Variants in CD1B observed in about 807,000 individuals in gnomAD.
CD1B encodes the protein T-cell surface glycoprotein CD1b.
A neutral mutation model predicts 39.8 loss-of-function variants in CD1B; 43 were observed. That is an observed-to-expected ratio of 1.08 (90% CI 0.85 to 1.39). The LOEUF (loss-of-function observed/expected upper bound fraction) is 1.39. CD1B is among the 40% of genes most tolerant of loss of function. CD1B has a pLI of 0.00. For missense variants in CD1B, 495 were observed against 403.8 expected, an observed-to-expected ratio of 1.23 and a Z score of -1.94; for synonymous variants, 192 against 152.5, an observed-to-expected ratio of 1.26 and a Z score of -1.91.
At chr1:158,294,678 G>A in the CD1B span, among the ~76,000 whole-genome samples, 1 of 152,042 alleles carries the variant, frequency 6.6e-6, no homozygotes, top group African/African-American at 2.4e-5. Context: ...CAACAACCTG[G>A]CATTCTTGCA....
At chr1:158,299,934 C>G in the CD1B span, among the ~76,000 whole-genome samples, 1 of 152,112 alleles carries the variant, frequency 6.6e-6, no homozygotes, top group Non-Finnish European at 1.5e-5. Flanking sequence ...TTTCAAAAAG[C>G]CAGGTCCTGG....
chr1:158,293,706 G>C, the CD1B span: 3 of 1,002,760 alleles, frequency 3.0e-6, no homozygotes, highest in Admixed American at 6.4e-5. Flanking sequence ...TTCCTCCAAC[G>C]ATCTTCCTTG....
In CD1B at chr1:158,328,590, A is replaced by G. The variant is rs1652452060; in HGVS notation, c.980+331T>C. On this transcript the variant is annotated intron_variant, in intron 5 of 5. Coordinates refer to ENST00000368168, the MANE Select transcript of CD1B (RefSeq NM_001764.3). ...GAGCTGTCCTAACCAGGGCCTGGAG[A>G]AGAGGGGAAATGGGAACTTGCAGCG... 2.0e-5 allele frequency among the ~76,000 whole-genome samples: 3 copies of G among 152,172 alleles called. No homozygotes were observed. In the South Asian group the frequency reaches 6.2e-4, roughly 32 times the overall value.
At chr1:158,290,576 C>A in the CD1B span, among the ~76,000 whole-genome samples, 3 of 151,992 alleles carry the variant, frequency 2.0e-5, no homozygotes, top group Non-Finnish European at 4.4e-5. Context: ...TAGTTCAGAG[C>A]AGATGGGGAA....
chr1:158,298,079 G>T, the CD1B span, among the ~76,000 whole-genome samples: 1 of 152,010 alleles, frequency 6.6e-6, no homozygotes, highest in Non-Finnish European at 1.5e-5. Flanking sequence ...AAAGAAAAAA[G>T]AGCAGGGGTT....
downstream of CD1B, among the ~76,000 whole-genome samples, chr1:158,325,461 G>T (rs140988417): frequency 2.0e-5 from 3 of 152,114 alleles, no homozygotes; most frequent in African/African-American, 7.2e-5. Context: ...ATAAATAGAT[G>T]CAGCTGTAAA....
At chr1:158,305,483 T>C in the CD1B span, among the ~76,000 whole-genome samples, 1 of 152,168 alleles carries the variant, frequency 6.6e-6, no homozygotes, top group African/African-American at 2.4e-5. Flanking sequence ...ACAGGGAGAA[T>C]GGAACCAAGT....
chr1:158,316,890 G>T, the CD1B span, among the ~76,000 whole-genome samples: 16 of 152,052 alleles, frequency 1.1e-4, no homozygotes, highest in Admixed American at 1.0e-3. Context: ...TTTGTCAAAG[G>T]TCTTTTCTGC....
chr1:158,317,645 T>G, the CD1B span, among the ~76,000 whole-genome samples: 1 of 152,196 alleles, frequency 6.6e-6, no homozygotes, highest in East Asian at 1.9e-4. Flanking sequence ...TTGAAGGGTT[T>G]TTGTGTCTCT....
rs142807777 is a variant in CD1B at position 158,329,898 on chromosome 1, A to G, written c.561T>C (p.Tyr187=). 4 of 1,614,104 alleles carry G rather than the reference A, an allele frequency of 2.5e-6. No homozygotes were observed. The highest frequency in any genetic ancestry group is 3.3e-5 in the Admixed American group (2 of 60,014). The change falls in exon 3 of 6, where the codon TAT becomes TAC. Residue 187 remains tyrosine, a synonymous_variant. Coordinates refer to ENST00000368168, the MANE Select transcript of CD1B (RefSeq NM_001764.3). ...RILLYETCPR[Y]LLGVLNAGKA... ...TTCCTGCATTGAGGACGCCCAAGAG[A>G]TATCGGGGGCAGGTTTCATAGAGGA...
At chr1:158,310,531 C>T in the CD1B span, among the ~76,000 whole-genome samples, 4 of 151,516 alleles carry the variant, frequency 2.6e-5, no homozygotes, top group African/African-American at 9.7e-5. Flanking sequence ...AAACAGACAA[C>T]TTACAGAATG....
At chr1:158,314,771 G>C in the CD1B span, among the ~76,000 whole-genome samples, 3 of 151,134 alleles carry the variant, frequency 2.0e-5, no homozygotes, top group Non-Finnish European at 4.4e-5. Flanking sequence ...TCGTCATCTA[G>C]CATTAGGTAT....
the CD1B span, among the ~76,000 whole-genome samples, chr1:158,322,388 C>T: frequency 3.3e-5 from 5 of 151,754 alleles, no homozygotes; most frequent in African/African-American, 7.3e-5. Context: ...AGACACAAGC[C>T]ACCATGGCTG....
the CD1B span, among the ~76,000 whole-genome samples, chr1:158,306,156 C>G: frequency 6.6e-6 from 1 of 152,122 alleles, no homozygotes; most frequent in African/African-American, 2.4e-5. Context: ...AGAGTCAAGA[C>G]CCATCAGTGT....
chr1:158,317,115 A>G, the CD1B span, among the ~76,000 whole-genome samples: 43 of 152,164 alleles, frequency 2.8e-4, no homozygotes, highest in Non-Finnish European at 2.1e-4. Flanking sequence ...TGATTGGTCT[A>G]AAATTCTCTT....
At chr1:158,287,799 G>T in the CD1B span, among the ~76,000 whole-genome samples, 5 of 152,192 alleles carry the variant, frequency 3.3e-5, no homozygotes. Context: ...TTAACACAAT[G>T]AAGTTTATTT....
At chr1:158,320,167 G>T in the CD1B span, among the ~76,000 whole-genome samples, 1 of 152,208 alleles carries the variant, frequency 6.6e-6, no homozygotes. Context: ...AGGCCTCCTT[G>T]AGCTGTGGTG....
At chr1:158,320,623 G>A in the CD1B span, among the ~76,000 whole-genome samples, 14 of 152,246 alleles carry the variant, frequency 9.2e-5, no homozygotes, top group Middle Eastern at 3.4e-3. Context: ...CATCTTCTGC[G>A]TCACTCAGGC....
At chr1:158,328,634 A>G (rs990104116) in intron 5 of CD1B, among the ~76,000 whole-genome samples, 4 of 152,218 alleles carry the variant, frequency 2.6e-5, no homozygotes, top group Non-Finnish European at 4.4e-5. Context: ...ATAGAGTTTC[A>G]GTCTTGCAAG....
Sources: gnomAD v4.1 joint callset for allele counts (sites outside exome capture counted in the v4.1 genomes callset) on GRCh38, gnomAD v4.1.1 for gene constraint, MANE v1.5 for transcripts, NCBI Gene and HGNC (gene_info 2026-07-23, HGNC 2026-07-21) for gene names.